The following FSTL5 variants were observed in gnomAD, a reference collection of about 807,000 sequenced individuals.
The protein encoded by FSTL5 is follistatin-related protein 5.
Under a neutral mutation model 89.1 loss-of-function variants are expected in FSTL5, and 62 were observed. That is an observed-to-expected ratio of 0.70 (90% CI 0.57 to 0.86). The LOEUF (loss-of-function observed/expected upper bound fraction) is 0.86, where lower values mean the gene tolerates loss of function less well. FSTL5 is among the 40% of genes least tolerant of loss of function. The pLI is 0.00. For synonymous variants in FSTL5, 383 were observed against 346.2 expected (o/e 1.11, Z -1.18); for missense variants, 1,057 against 1,001.6 (o/e 1.06, Z -0.75).
intron 8 of FSTL5, among the ~76,000 whole-genome samples, chr4:161,567,821 G>A (rs962793572): frequency 2.0e-5 from 3 of 151,206 alleles, no homozygotes; most frequent in Non-Finnish European, 4.4e-5. Context: ...TTTGATTCAT[G>A]TAGAGGACTG....
intron 5 of FSTL5, among the ~76,000 whole-genome samples, chr4:161,767,320 T>G (rs561463007): frequency 6.6e-6 from 1 of 152,248 alleles, no homozygotes; most frequent in Non-Finnish European, 1.5e-5. Context: ...TGACTCACGA[T>G]GTACTTACAA....
chr4:161,644,356 A>C (rs549689448), intron 7 of FSTL5, among the ~76,000 whole-genome samples: 2 of 152,144 alleles, frequency 1.3e-5, no homozygotes, highest in Admixed American at 6.5e-5. Flanking sequence ...GTGAAACTCT[A>C]TCTCTACTAA....
intron 1 of FSTL5, among the ~76,000 whole-genome samples, chr4:162,153,699 GTATAT>G (rs1221529258): frequency 2.1e-4 from 28 of 131,492 alleles, no homozygotes; most frequent in African/African-American, 7.8e-4. Flanking sequence ...TAATATATAT[GTATAT>G]TATATATGTA....
intron 10 of FSTL5, among the ~76,000 whole-genome samples, chr4:161,530,628 G>A (rs1578902796): frequency 1.3e-5 from 2 of 151,904 alleles, no homozygotes; most frequent in African/African-American, 2.4e-5. Context: ...TAAAAATGGT[G>A]TATCTAGCCT....
chr4:161,760,739 A>G (rs1404963018), intron 5 of FSTL5, among the ~76,000 whole-genome samples: 2 of 152,212 alleles, frequency 1.3e-5, no homozygotes, highest in Admixed American at 1.3e-4. Flanking sequence ...CACATTCACA[A>G]TGAATTATCA....
chr4:161,480,219 T>C (rs929200828), intron 13 of FSTL5, among the ~76,000 whole-genome samples: 1 of 152,242 alleles, frequency 6.6e-6, no homozygotes, highest in Admixed American at 6.5e-5. Context: ...TTTACATGCA[T>C]TATTCATCTA....
At chr4:161,541,753 A>C (rs921298908) in intron 9 of FSTL5, among the ~76,000 whole-genome samples, 1 of 152,022 alleles carries the variant, frequency 6.6e-6, no homozygotes, top group Admixed American at 6.6e-5. Context: ...GTCATAAAAT[A>C]AGAACTATAA....
intron 10 of FSTL5, among the ~76,000 whole-genome samples, chr4:161,532,066 G>A (rs1731430478): frequency 1.3e-5 from 2 of 151,924 alleles, no homozygotes; most frequent in Admixed American, 6.6e-5. Flanking sequence ...TTAGCCGGGC[G>A]TGGTGGTGGG....
At chr4:161,922,247 G>GA (rs2110867964) in intron 3 of FSTL5, among the ~76,000 whole-genome samples, 1 of 151,782 alleles carries the variant, frequency 6.6e-6, no homozygotes, top group East Asian at 1.9e-4. Context: ...CAAATAGGTG[G>GA]AAAAATAATT....
intron 8 of FSTL5, among the ~76,000 whole-genome samples, chr4:161,562,342 G>T (rs1179152252): frequency 6.6e-6 from 1 of 151,886 alleles, no homozygotes; most frequent in African/African-American, 2.4e-5. Context: ...TAAATTTTAG[G>T]ATTAGCCTGT....
At chr4:162,052,470 T>C (rs577772451) in intron 2 of FSTL5, among the ~76,000 whole-genome samples, 17 of 151,870 alleles carry the variant, frequency 1.1e-4, no homozygotes, top group African/African-American at 3.4e-4. Flanking sequence ...TAGCAAAATA[T>C]ATGCTGCTGT....
intron 6 of FSTL5, among the ~76,000 whole-genome samples, chr4:161,687,510 C>T (rs186528889): frequency 6.6e-6 from 1 of 152,074 alleles, no homozygotes; most frequent in South Asian, 2.1e-4. Flanking sequence ...ACAAACATAT[C>T]CACTCATGAA....
At chr4:161,526,428 T>C (rs918931456) in intron 10 of FSTL5, among the ~76,000 whole-genome samples, 1 of 152,176 alleles carries the variant, frequency 6.6e-6, no homozygotes, top group Non-Finnish European at 1.5e-5. Flanking sequence ...AGACAGTACA[T>C]CAATTTAGGG....
rs565947044 is a variant in FSTL5 at position 162,140,660 on chromosome 4, A to G, written c.-17+22955T>C. 4.6e-5 allele frequency among the ~76,000 whole-genome samples: 7 copies of G among 152,332 alleles called. No individual in the cohort carries two copies. The East Asian group carries it at 1.3e-3, about 29-fold the overall frequency. On this transcript the variant is annotated intron_variant, in intron 1 of 15. Transcript: ENST00000306100. ...TCATTCAGACTGATGTATTGATAAT[A>G]CATTAAGGATAGAGATAAAAAAGCA...
At chr4:162,044,704 A>G (rs187505111) in intron 2 of FSTL5, among the ~76,000 whole-genome samples, 69 of 152,312 alleles carry the variant, frequency 4.5e-4, no homozygotes, top group African/African-American at 1.6e-3. Context: ...AGCCACCTTC[A>G]TTAATTATCT....
chr4:162,143,235 T>C (rs1246546432), intron 1 of FSTL5, among the ~76,000 whole-genome samples: 1 of 152,142 alleles, frequency 6.6e-6, no homozygotes, highest in African/African-American at 2.4e-5. Flanking sequence ...GTAGAGATAT[T>C]AAATTACAAT....
intron 7 of FSTL5, among the ~76,000 whole-genome samples, chr4:161,616,728 G>A (rs988802626): frequency 2.0e-5 from 3 of 151,914 alleles, no homozygotes; most frequent in African/African-American, 7.3e-5. Context: ...GGGTGAAGAG[G>A]ACCAGGATAA....
chr4:161,639,209 T>TA (rs1369720964), intron 7 of FSTL5, among the ~76,000 whole-genome samples: 2 of 152,118 alleles, frequency 1.3e-5, no homozygotes, highest in Non-Finnish European at 2.9e-5. Flanking sequence ...TTGGAGCAGA[T>TA]ACATCTCTTC....
chr4:161,534,663 C>T (rs1307768445), intron 10 of FSTL5, among the ~76,000 whole-genome samples: 1 of 152,008 alleles, frequency 6.6e-6, no homozygotes, highest in Non-Finnish European at 1.5e-5. Flanking sequence ...AAGCAATTTA[C>T]AGATTAAAAG....
Sources: gnomAD v4.1 joint callset for allele counts (sites outside exome capture counted in the v4.1 genomes callset) on GRCh38, gnomAD v4.1.1 for gene constraint, MANE v1.5 for transcripts, NCBI Gene and HGNC (gene_info 2026-07-23, HGNC 2026-07-21) for gene names.